PPM1D: variants seen among roughly 807,000 people sequenced by gnomAD.
PPM1D encodes the protein protein phosphatase, Mg2+/Mn2+ dependent 1D.
A neutral mutation model predicts 58.3 loss-of-function variants in PPM1D; 52 were observed. The ratio of observed to expected loss-of-function variants is 0.89; its 90% CI spans 0.71 to 1.12. The LOEUF is 1.12. PPM1D is among the 50% of genes most tolerant of loss of function. The pLI, the probability that PPM1D is intolerant of heterozygous loss-of-function variation, is 0.00. For synonymous variants in PPM1D, 278 were observed against 285.1 expected, an observed-to-expected ratio of 0.98 and a Z score of 0.25; for missense variants, 564 against 777.2, an observed-to-expected ratio of 0.73 and a Z score of 3.26.
intron 1 of PPM1D, among the ~76,000 whole-genome samples, chr17:60,620,703 T>A (rs1466533977): frequency 6.6e-6 from 1 of 152,030 alleles, no homozygotes; most frequent in Non-Finnish European, 1.5e-5. Context: ...AGAGACAGGC[T>A]TTCACCATGT....
Position 60,606,986 on chromosome 17 carries a change from AT to A in PPM1D, c.472+6111del, listed in dbSNP as rs1160029381. On this transcript the variant is annotated intron_variant, in intron 1 of 5. Coordinates refer to ENST00000305921, the MANE Select transcript of PPM1D (RefSeq NM_003620.4). The stretch of plus-strand genomic sequence containing the variant: ...GAGACTACAGGCATGCGCCCAGCTA[AT>A]TTTTTTTTTTAATTTTTTTTTTTTA... 8.0e-3 allele frequency among the ~76,000 whole-genome samples: 1,184 copies of A among 147,268 alleles called. 13 individuals are homozygous for A. The highest frequency in any genetic ancestry group is 0.027 in the African/African-American group (1,091 of 40,000).
chr17:60,652,550 GTTTTTTTTTT>G (rs776162517), intron 4 of PPM1D, among the ~76,000 whole-genome samples: 43 of 67,632 alleles, frequency 6.4e-4, no homozygotes, highest in Non-Finnish European at 9.7e-4. Context: ...GTTTACTTCT[GTTTTTTTTTT>G]TTTTTTTTTT....
chr17:60,648,615 C>T (rs562131817), intron 4 of PPM1D, among the ~76,000 whole-genome samples: 53 of 152,024 alleles, frequency 3.5e-4, no homozygotes, highest in Non-Finnish European at 6.8e-4. Flanking sequence ...GATCTGACCT[C>T]GTGATCCGCC....
intron 1 of PPM1D, among the ~76,000 whole-genome samples, chr17:60,601,951 C>A (rs8079652): frequency 0.13 from 20,510 of 152,118 alleles, 4,135 homozygotes; most frequent in African/African-American, 0.44. Flanking sequence ...AGCATAATAA[C>A]GTTGCTTTAT....
rs745970309 is a variant in PPM1D, at chr17:60,663,517, C to G, written c.1783C>G (p.Leu595Val). 12 of 1,611,398 alleles carry G rather than the reference C, an allele frequency of 7.4e-6. No homozygotes were observed. The South Asian group carries it at 1.1e-4, about 15-fold the overall frequency. ...CCAGAAGAAAATTGGAAATCCTTTA[C>G]TTCATCAACACAGGAAAACTGTTTG... is the stretch of plus-strand genomic sequence containing the variant. Reference protein sequence around the residue: ...RGQKKIGNPLLHQHRKTVCVC With the variant: ...RGQKKIGNPLVHQHRKTVCVC The change falls in exon 6 of 6, where the codon CTT becomes GTT. Residue 595 changes from leucine (L) to valine (V), a missense_variant. This residue lies in a region of PPM1D where 261 missense variants were observed against 270.1 expected (regional missense o/e 0.97). Coordinates refer to ENST00000305921, the MANE Select transcript of PPM1D (RefSeq NM_003620.4).
chr17:60,618,389 C>T (rs1217156858), intron 1 of PPM1D, among the ~76,000 whole-genome samples: 1 of 152,158 alleles, frequency 6.6e-6, no homozygotes, highest in Non-Finnish European at 1.5e-5. Flanking sequence ...TGCAATGTAC[C>T]AGTTTACACT....
At chr17:60,607,274 T>C (rs1219205348) in intron 1 of PPM1D, among the ~76,000 whole-genome samples, 1 of 152,118 alleles carries the variant, frequency 6.6e-6, no homozygotes, top group Non-Finnish European at 1.5e-5. Context: ...TAAGTTTTTT[T>C]GTTTGTTTTG....
chr17:60,647,593 G>A (rs188920831), intron 3 of PPM1D, among the ~76,000 whole-genome samples: 1 of 152,134 alleles, frequency 6.6e-6, no homozygotes, highest in African/African-American at 2.4e-5. Flanking sequence ...AGTATTAGAA[G>A]AGAAGCAATG....
intron 3 of PPM1D, among the ~76,000 whole-genome samples, chr17:60,639,390 A>G (rs1431918689): frequency 6.6e-6 from 1 of 151,672 alleles, no homozygotes; most frequent in African/African-American, 2.4e-5. Flanking sequence ...GGGATTACAG[A>G]TGAGAGCCAC....
intron 3 of PPM1D, among the ~76,000 whole-genome samples, chr17:60,642,736 C>T (rs535567011): frequency 6.6e-6 from 1 of 151,976 alleles, no homozygotes; most frequent in Non-Finnish European, 1.5e-5. Context: ...GGATTACAGG[C>T]GTGAGCCACT....
chr17:60,643,005 C>T (rs1261632952), intron 3 of PPM1D, among the ~76,000 whole-genome samples: 2 of 150,130 alleles, frequency 1.3e-5, no homozygotes, highest in Non-Finnish European at 3.0e-5. Flanking sequence ...GAGGCGAGAT[C>T]ACGCCACTGC....
chr17:60,651,554 T>A (rs138386813), intron 4 of PPM1D, among the ~76,000 whole-genome samples: 1 of 151,746 alleles, frequency 6.6e-6, no homozygotes, highest in African/African-American at 2.4e-5. Context: ...CGCGCCACCA[T>A]GCCTGGCTAA....
At chr17:60,628,483 G>A (rs754440486) in intron 2 of PPM1D, among the ~76,000 whole-genome samples, 4 of 152,066 alleles carry the variant, frequency 2.6e-5, no homozygotes, top group Non-Finnish European at 5.9e-5. Flanking sequence ...TTTCATCACC[G>A]TAAGAGTCCT....
At position 60,659,270 on chromosome 17, in the gene PPM1D, CAT is replaced by C. The variant is rs745995128; in HGVS notation, c.1260+2431_1260+2432del. On this transcript the variant is annotated intron_variant, in intron 5 of 5. Coordinates refer to ENST00000305921, the MANE Select transcript of PPM1D (RefSeq NM_003620.4). ...ATTAAAGTTGTCTCATGTTTAGTAA[CAT>C]AGAGATAAATTTAATTATAATGTGG... is the stretch of plus-strand genomic sequence containing the variant. Among the ~76,000 whole-genome samples, 17 of 152,232 alleles carry C rather than the reference CAT, an allele frequency of 1.1e-4. No homozygotes were observed. In the East Asian group the frequency reaches 1.3e-3, roughly 12 times the overall value.
intron 2 of PPM1D, among the ~76,000 whole-genome samples, chr17:60,627,669 C>T (rs1238802646): frequency 1.3e-5 from 2 of 152,132 alleles, no homozygotes; most frequent in East Asian, 1.9e-4. Flanking sequence ...ATCCGCCCAC[C>T]TCTGCCTCCC....
intron 4 of PPM1D, among the ~76,000 whole-genome samples, chr17:60,650,051 A>G: frequency 6.6e-6 from 1 of 152,228 alleles, no homozygotes; most frequent in Non-Finnish European, 1.5e-5. Flanking sequence ...GAACCTATTT[A>G]TGAACCATAA....
chr17:60,631,621 GGGGGAT>G (rs993578148), intron 2 of PPM1D, among the ~76,000 whole-genome samples: 17 of 151,720 alleles, frequency 1.1e-4, no homozygotes, highest in Non-Finnish European at 2.2e-4. Context: ...AAAAAGGGTG[GGGGGAT>G]GGTGAATGAG....
At chr17:60,607,590 CG>C (rs949652760) in intron 1 of PPM1D, among the ~76,000 whole-genome samples, 20 of 152,280 alleles carry the variant, frequency 1.3e-4, no homozygotes, top group Admixed American at 5.2e-4. Context: ...CGTGAGCCAC[CG>C]CACCTGGCAA....
chr17:60,659,688 A>C (rs2031495315), intron 5 of PPM1D, among the ~76,000 whole-genome samples: 1 of 152,250 alleles, frequency 6.6e-6, no homozygotes, highest in Non-Finnish European at 1.5e-5. Flanking sequence ...ACTTTTTTAA[A>C]GTATGTATTT....
Sources: gnomAD v4.1 joint callset for allele counts (sites outside exome capture counted in the v4.1 genomes callset) on GRCh38, gnomAD v4.1.1 for gene constraint, gnomAD v4.1.1 regional missense constraint, MANE v1.5 for transcripts, NCBI Gene and HGNC (gene_info 2026-07-23, HGNC 2026-07-21) for gene names.